Variants in C1orf174 observed in about 807,000 individuals in gnomAD.
C1orf174 encodes the protein UPF0688 protein C1orf174.
C1orf174 carries 13 observed loss-of-function variants against 18.4 expected under a neutral mutation model. The observed-to-expected ratio is 0.71, with a 90% CI of 0.46 to 1.12. The LOEUF (loss-of-function observed/expected upper bound fraction) is 1.12. Among genes scored for constraint, C1orf174 ranks in the 50% most tolerant of loss-of-function variants. C1orf174 has a pLI of 0.00. For synonymous variants in C1orf174, 100 were observed against 118.3 expected (o/e 0.85, Z 1.01); for missense variants, 309 against 308.0 (o/e 1.00, Z -0.02).
At chr1:3,899,571 T>C (rs1432052972) in intron 1 of C1orf174, among the ~76,000 whole-genome samples, 1 of 152,208 alleles carries the variant, frequency 6.6e-6, no homozygotes, top group Non-Finnish European at 1.5e-5. Flanking sequence ...ATTCAGTAGA[T>C]GGGGCCAAGC....
intron 1 of C1orf174, chr1:3,895,695 A>T (rs1638594269): frequency 6.6e-6 from 1 of 152,246 alleles, no homozygotes; most frequent in African/African-American, 2.4e-5. Flanking sequence ...TCAACTCCAA[A>T]ATGTCAAGAA....
Position 3,890,716 on chromosome 1 carries a change from G to A in C1orf174, c.471C>T (p.Ser157=). ...GSGAEESNSS[S]TVQKQNEPGL... Reference sequence around the variant, plus strand: ...CTGGCTCATTCTGCTTCTGCACAGTGGAGCTGCTGTTGGATTCTTCTGCTC... The same window carrying A: ...CTGGCTCATTCTGCTTCTGCACAGTAGAGCTGCTGTTGGATTCTTCTGCTC... The change falls in exon 3 of 4, where the codon TCC becomes TCT. Residue 157 remains serine (S), a synonymous_variant. Transcript: ENST00000361605. 1 of 1,614,086 alleles carries A rather than the reference G, an allele frequency of 6.2e-7. No individual in the cohort carries two copies.
Position 3,890,553 on chromosome 1 carries a change from A to G in C1orf174, c.618+16T>C, listed in dbSNP as rs1173519644. 6.2e-7 allele frequency: 1 copy of G among 1,611,470 alleles called. No individual in the cohort carries two copies. Among genetic ancestry groups the G allele is most frequent in the Middle Eastern group, 1.7e-4 (1 of 6,052 alleles). ...CTGCCTGAGTACCCACGGGAGGAGG[A>G]AGGCGCCGCTCTTACCTGCATGAGC... On this transcript the variant is annotated intron_variant, in intron 3 of 3. Transcript: ENST00000361605.
Position 3,900,193 on chromosome 1 carries a change from G to T in C1orf174, c.-7C>A. 6.3e-7 allele frequency: 1 copy of T among 1,584,010 alleles called. No individual in the cohort carries two copies. Among genetic ancestry groups the T allele is most frequent in the East Asian group, 2.3e-5 (1 of 42,714 alleles). On this transcript the variant is annotated 5_prime_UTR_variant, in exon 1 of 4. Transcript: ENST00000361605. The stretch of plus-strand genomic sequence containing the variant: ...TCACCTTCCGGCTCCTCATGAGTGT[G>T]AGCACCGCAGCCAAGCACCGCGCGC...
intron 3 of C1orf174, 36 bp from the exon 4 acceptor site, chr1:3,890,109 C>A: frequency 6.7e-7 from 1 of 1,498,942 alleles, no homozygotes; most frequent in Non-Finnish European, 9.3e-7. Flanking sequence ...CAGTCATGAG[C>A]AATACATATC....
intron 1 of C1orf174, among the ~76,000 whole-genome samples, chr1:3,898,299 C>G (rs902264571): frequency 6.6e-6 from 1 of 152,158 alleles, no homozygotes; most frequent in African/African-American, 2.4e-5. Context: ...CACCTGAGGT[C>G]AGGAGTTTTA....
intron 1 of C1orf174, among the ~76,000 whole-genome samples, chr1:3,893,424 T>A (rs1638549886): frequency 6.6e-6 from 1 of 152,240 alleles, no homozygotes; most frequent in Non-Finnish European, 1.5e-5. Flanking sequence ...TCCTATTCTA[T>A]TAGCTGAATG....
intron 1 of C1orf174, among the ~76,000 whole-genome samples, chr1:3,893,962 T>C (rs1396576589): frequency 6.6e-6 from 1 of 152,264 alleles, no homozygotes; most frequent in Non-Finnish European, 1.5e-5. Context: ...CTTCCACTAA[T>C]GTTAAACAAC....
rs368201164 is a variant in C1orf174, at chr1:3,900,216, C to G, written c.-30G>C. The G allele has an allele frequency of 6.4e-7, 1 of 1,564,712 alleles. No homozygotes were observed. Among genetic ancestry groups the G allele is most frequent in the East Asian group, 2.4e-5 (1 of 40,998 alleles). On this transcript the variant is annotated 5_prime_UTR_variant, in exon 1 of 4. Transcript: ENST00000361605. The stretch of plus-strand genomic sequence containing the variant: ...GTGAGCACCGCAGCCAAGCACCGCG[C>G]GCCCCGGCCAACGCGTCCCGGCGGA...
intron 1 of C1orf174, chr1:3,895,964 C>T (rs556176859): frequency 4.3e-4 from 66 of 152,652 alleles, no homozygotes; most frequent in African/African-American, 1.5e-3. Context: ...ATTTAGAGAG[C>T]CTTTGGAAAT....
intron 1 of C1orf174, among the ~76,000 whole-genome samples, chr1:3,894,920 A>T (rs148918228): frequency 2.0e-5 from 3 of 152,352 alleles, no homozygotes; most frequent in Non-Finnish European, 2.9e-5. Context: ...TCATGGTCAC[A>T]GTTACACCAA....
intron 3 of C1orf174, 139 bp downstream of exon 3, chr1:3,890,430 C>G (rs1273090716): frequency 1.6e-6 from 2 of 1,240,268 alleles, no homozygotes; most frequent in Non-Finnish European, 2.2e-6. Context: ...GTTTCATTTT[C>G]TCCTCGTGGG....
Position 3,900,241 on chromosome 1 carries a change from A to G in C1orf174, c.-55T>C. The G allele has an allele frequency of 6.7e-7, 1 of 1,497,360 alleles. No homozygotes were observed. Among genetic ancestry groups the G allele is most frequent in the Non-Finnish European group, 8.8e-7 (1 of 1,134,052 alleles). The allele number at this position is 1,497,360 out of a possible 1,614,324, so 92.8% of individuals were successfully genotyped here. On this transcript the variant is annotated 5_prime_UTR_variant, in exon 1 of 4. Coordinates refer to ENST00000361605, the MANE Select transcript of C1orf174 (RefSeq NM_207356.3). ...CGCCCCGGCCAACGCGTCCCGGCGGAGCGGCGACCCGGAGTCTGCAGAGCG... is the reference window on the plus strand; with the variant it reads ...CGCCCCGGCCAACGCGTCCCGGCGGGGCGGCGACCCGGAGTCTGCAGAGCG...
chr1:3,889,738 A>G lies in C1orf174; in HGVS notation c.*222T>C. On this transcript the variant is annotated 3_prime_UTR_variant, in exon 4 of 4. Coordinates refer to ENST00000361605, the MANE Select transcript of C1orf174 (RefSeq NM_207356.3). ...AAAAAAAAAGAAAGGACATTGGCAC[A>G]GTACAGCAGCTTTGCAACCTCAAAG... The G allele has an allele frequency of 2.1e-6, 1 of 470,096 alleles. No individual in the cohort carries two copies. Among genetic ancestry groups the G allele is most frequent in the East Asian group, 3.3e-5 (1 of 30,760 alleles). The allele number at this position is 470,096 out of a possible 1,614,324, so 29.1% of individuals were successfully genotyped here.
At position 3,889,652 on chromosome 1, in the gene C1orf174, G is replaced by A. The variant is rs551682542; in HGVS notation, c.*308C>T. On this transcript the variant is annotated 3_prime_UTR_variant, in exon 4 of 4. Transcript: ENST00000361605. ...GGAGGTTGCAGTGAGCCGAGATTGC[G>A]CCATTGCACTCCAGCCTGGGCGACA... The A allele has an allele frequency of 2.6e-4, 59 of 229,694 alleles. No individual in the cohort carries two copies. Among genetic ancestry groups the A allele is most frequent in the South Asian group, 4.8e-4 (8 of 16,498 alleles). The allele number at this position is 229,694 out of a possible 1,614,324, so 14.2% of individuals were successfully genotyped here.
At chr1:3,900,060 G>A in intron 1 of C1orf174, 112 bp downstream of exon 1, 4 of 1,344,166 alleles carry the variant, frequency 3.0e-6, no homozygotes, top group Non-Finnish European at 3.9e-6. Context: ...CCCAAGCGGA[G>A]GCCGCTCCTA....
chr1:3,893,089 C>G, intron 1 of C1orf174, 93 bp from the exon 2 acceptor site: 1 of 1,347,692 alleles, frequency 7.4e-7, no homozygotes, highest in Non-Finnish European at 1.0e-6. Flanking sequence ...ACCCGAAGAC[C>G]GCCCCTCCCA....
At chr1:3,896,436 A>G (rs1236347342) in intron 1 of C1orf174, among the ~76,000 whole-genome samples, 1 of 152,216 alleles carries the variant, frequency 6.6e-6, no homozygotes, top group East Asian at 1.9e-4. Context: ...GCCCCTATTC[A>G]GAGAGGAGCC....
Position 3,889,785 on chromosome 1 carries a change from A to G in C1orf174, c.*175T>C. 4.6e-6 allele frequency: 3 copies of G among 657,544 alleles called. No homozygotes were observed. Among genetic ancestry groups the G allele is most frequent in the Non-Finnish European group, 8.2e-6 (3 of 367,692 alleles). 40.7% of individuals were successfully genotyped at this position (657,544 alleles called of 1,614,324 possible). On this transcript the variant is annotated 3_prime_UTR_variant, in exon 4 of 4. Transcript: ENST00000361605. Reference sequence around the variant, plus strand: ...AAAGATGGTTTGAGTTTTAGTTCCCATGAGTACATCCTCCACAGGTATTGG... The same window carrying G: ...AAAGATGGTTTGAGTTTTAGTTCCCGTGAGTACATCCTCCACAGGTATTGG...
Sources: gnomAD v4.1 joint callset for allele counts (sites outside exome capture counted in the v4.1 genomes callset) on GRCh38, gnomAD v4.1.1 for gene constraint, MANE v1.5 for transcripts, NCBI Gene and HGNC (gene_info 2026-07-23, HGNC 2026-07-21) for gene names.